Variants in NDRG3 observed in about 807,000 individuals in gnomAD.
The protein encoded by NDRG3 is NDRG family member 3.
In NDRG3, 23 loss-of-function variants were observed where a neutral mutation model predicts 57.2. The observed-to-expected ratio is 0.40, with a 90% confidence interval of 0.29 to 0.57. The LOEUF (loss-of-function observed/expected upper bound fraction) is 0.57. Ranked by LOEUF, NDRG3 falls within the 20% of genes least tolerant of loss-of-function variation. NDRG3 has a pLI of 0.42. For synonymous variants in NDRG3, 132 were observed against 162.6 expected, an observed-to-expected ratio of 0.81 and a Z score of 1.43; for missense variants, 384 against 457.3, an observed-to-expected ratio of 0.84 and a Z score of 1.46.
intron 5 of NDRG3, among the ~76,000 whole-genome samples, chr20:36,686,442 C>T (rs1032166868): frequency 2.1e-4 from 32 of 152,116 alleles, no homozygotes; most frequent in African/African-American, 7.2e-4. Context: ...GTCTGGAACA[C>T]GGTTTGAGTA....
intron 2 of NDRG3, among the ~76,000 whole-genome samples, chr20:36,712,576 TATATATATATA>T (rs1239718377): frequency 1.9e-4 from 4 of 21,078 alleles, no homozygotes; most frequent in African/African-American, 3.2e-4. Context: ...TATATATATA[TATATATATATA>T]TTTTTTTTTT....
intron 3 of NDRG3, among the ~76,000 whole-genome samples, chr20:36,699,467 T>C (rs1291902081): frequency 6.6e-6 from 1 of 152,008 alleles, no homozygotes; most frequent in Non-Finnish European, 1.5e-5. Context: ...TACAGGCAAA[T>C]CCAAGTTAAA....
intron 1 of NDRG3, among the ~76,000 whole-genome samples, chr20:36,735,777 T>G (rs541016219): frequency 6.6e-6 from 1 of 151,716 alleles, no homozygotes; most frequent in Non-Finnish European, 1.5e-5. Context: ...TCACTTGAGG[T>G]CAGAAGTTCA....
intron 3 of NDRG3, among the ~76,000 whole-genome samples, chr20:36,706,409 C>CT (rs1983550793): frequency 6.6e-6 from 1 of 152,162 alleles, no homozygotes; most frequent in African/African-American, 2.4e-5. Flanking sequence ...GAAAAGAGAT[C>CT]TTAATCACAA....
intron 12 of NDRG3, among the ~76,000 whole-genome samples, chr20:36,662,230 CTTTTTTTT>C (rs749800383): frequency 7.2e-6 from 1 of 139,228 alleles, no homozygotes; most frequent in Non-Finnish European, 1.6e-5. Flanking sequence ...TTTTCTTTTT[CTTTTTTTT>C]TTTTTTTGAG....
Position 36,684,402 on chromosome 20 carries a change from A to G in NDRG3, c.383+11T>C, listed in dbSNP as rs748148771. The G allele has an allele frequency of 6.2e-7, 1 of 1,611,512 alleles. No individual in the cohort carries two copies. The highest frequency in any genetic ancestry group is 1.1e-5 in the South Asian group (1 of 91,026). On this transcript the variant is annotated intron_variant, in intron 6 of 15. Coordinates refer to ENST00000349004, the MANE Select transcript of NDRG3 (RefSeq NM_032013.4). ...ATAAAAACTGCATGAAAGACTGCAG[A>G]ATGAACCTACCTTAGGTGGGTAAGA... is the stretch of plus-strand genomic sequence containing the variant.
At chr20:36,736,748 A>T (rs1985629025) in intron 1 of NDRG3, among the ~76,000 whole-genome samples, 1 of 152,164 alleles carries the variant, frequency 6.6e-6, no homozygotes, top group African/African-American at 2.4e-5. Context: ...GAAGACTTTT[A>T]AAAATGCAGC....
chr20:36,721,739 G>A lies in NDRG3; in HGVS notation c.-4C>T. On this transcript the variant is annotated 5_prime_UTR_variant, in exon 2 of 16. Coordinates refer to ENST00000349004, the MANE Select transcript of NDRG3 (RefSeq NM_032013.4). ...GAACATCCTGAAGTTCATCCATGAGGTCAGATAACGAGAGTAGAGGAATCT... is the reference window on the plus strand; with the variant it reads ...GAACATCCTGAAGTTCATCCATGAGATCAGATAACGAGAGTAGAGGAATCT... 2 of 1,601,010 alleles carry A rather than the reference G, an allele frequency of 1.2e-6. No individual in the cohort carries two copies. Among genetic ancestry groups the A allele is most frequent in the Non-Finnish European group, 1.7e-6 (2 of 1,168,798 alleles).
At chr20:36,733,071 C>G (rs1208419895) in intron 1 of NDRG3, among the ~76,000 whole-genome samples, 1 of 145,360 alleles carries the variant, frequency 6.9e-6, no homozygotes, top group Non-Finnish European at 1.5e-5. Flanking sequence ...TGCTTGAGCC[C>G]AGAAGGTGAA....
chr20:36,741,632 T>C (rs1985933815), intron 1 of NDRG3, among the ~76,000 whole-genome samples: 1 of 152,154 alleles, frequency 6.6e-6, no homozygotes, highest in South Asian at 2.1e-4. Context: ...TCCAGAACTC[T>C]CCTATGTCAG....
intron 1 of NDRG3, among the ~76,000 whole-genome samples, chr20:36,733,146 CAAAAAAAAA>C (rs141850127): frequency 2.8e-3 from 109 of 38,774 alleles, no homozygotes; most frequent in South Asian, 5.5e-3. Flanking sequence ...GATCCTGTCT[CAAAAAAAAA>C]AAAAAAAAAA....
rs979181765 is a variant in NDRG3 at position 36,732,659 on chromosome 20, G to A, written c.-48-10876C>T. On this transcript the variant is annotated intron_variant, in intron 1 of 15. Coordinates refer to ENST00000349004, the MANE Select transcript of NDRG3 (RefSeq NM_032013.4). ...ACTTCACATTCCTCCCCACCAGCAT[G>A]AGCCTTACTACAATCCTAAGCATTT... Among the ~76,000 whole-genome samples, 10 of 152,238 alleles carry A rather than the reference G, an allele frequency of 6.6e-5. No individual in the cohort carries two copies. The East Asian group carries it at 1.9e-3, about 29-fold the overall frequency.
intron 3 of NDRG3, among the ~76,000 whole-genome samples, chr20:36,689,908 G>C (rs1424201287): frequency 6.6e-6 from 1 of 151,874 alleles, no homozygotes; most frequent in Non-Finnish European, 1.5e-5. Context: ...TTTTAGTAGA[G>C]ACGGGGTTTC....
At chr20:36,730,326 C>T (rs1340084632) in intron 1 of NDRG3, among the ~76,000 whole-genome samples, 3 of 151,666 alleles carry the variant, frequency 2.0e-5, no homozygotes, top group Admixed American at 1.3e-4. Flanking sequence ...ACCATCTTAG[C>T]TCACTGTAAC....
At chr20:36,739,215 G>A (rs1341591253) in intron 1 of NDRG3, among the ~76,000 whole-genome samples, 32 of 147,450 alleles carry the variant, frequency 2.2e-4, no homozygotes, top group East Asian at 1.4e-3. Context: ...TTGGGAGGCC[G>A]AGGCTGGCGG....
intron 8 of NDRG3, among the ~76,000 whole-genome samples, chr20:36,679,399 T>C (rs1450705599): frequency 6.6e-6 from 1 of 152,206 alleles, no homozygotes; most frequent in Non-Finnish European, 1.5e-5. Context: ...ATAAGGAATA[T>C]GCACAGCAGC....
At chr20:36,726,702 G>A (rs1399954489) in intron 1 of NDRG3, among the ~76,000 whole-genome samples, 2 of 152,090 alleles carry the variant, frequency 1.3e-5, no homozygotes, top group Non-Finnish European at 2.9e-5. Flanking sequence ...ATAAATTGCA[G>A]TCAATAATTT....
chr20:36,745,873 G>C (rs552350278), intron 1 of NDRG3, among the ~76,000 whole-genome samples, 172 bp downstream of exon 1: 2 of 151,774 alleles, frequency 1.3e-5, no homozygotes, highest in East Asian at 3.9e-4. Context: ...GGTCCGGCGG[G>C]CGGGCGGGGC....
chr20:36,672,544 G>A (rs1980260830), intron 8 of NDRG3, among the ~76,000 whole-genome samples: 1 of 152,150 alleles, frequency 6.6e-6, no homozygotes, highest in Non-Finnish European at 1.5e-5. Context: ...CTATAGAAAA[G>A]TAGGCTGGGC....
Sources: allele counts gnomAD v4.1 joint callset (sites outside exome capture counted in the v4.1 genomes callset), GRCh38; gene constraint gnomAD v4.1.1; transcripts MANE v1.5; gene names NCBI Gene and HGNC (gene_info 2026-07-23, HGNC 2026-07-21).